The following PAGE2B variants were observed in gnomAD, a reference collection of about 807,000 sequenced individuals.
PAGE2B encodes putative G antigen family E member 3.
PAGE2B carries 5 observed loss-of-function variants against 7.6 expected under a neutral mutation model. That is an observed-to-expected ratio of 0.66 (90% CI 0.34 to 1.38). The LOEUF is 1.38. Ranked by LOEUF, PAGE2B falls within the 40% of genes most tolerant of loss-of-function variation. The pLI is 0.04. For missense variants in PAGE2B, 70 were observed against 78.4 expected (o/e 0.89, Z 0.41); for synonymous variants, 29 against 26.7 (o/e 1.09, Z -0.27).
At chrX:55,029,831 C>T in the PAGE2B span, among the ~76,000 whole-genome samples, 2,389 of 111,494 alleles carry the variant, frequency 0.021, 74 homozygotes, top group African/African-American at 0.073. Flanking sequence ...TTTTTCCCTA[C>T]GACTTTAAAA....
chrX:55,050,410 T>C, the PAGE2B span, among the ~76,000 whole-genome samples: 1 of 109,188 alleles, frequency 9.2e-6, no homozygotes, highest in Non-Finnish European at 1.9e-5. Context: ...CAGTGGGGTG[T>C]TAAAGTCTCC....
the PAGE2B span, among the ~76,000 whole-genome samples, chrX:55,043,423 C>CTTCACAA: frequency 9.0e-6 from 1 of 110,555 alleles, no homozygotes; most frequent in African/African-American, 3.3e-5. Flanking sequence ...GGGAGAAAAT[C>CTTCACAA]TTCACAATCT....
chrX:55,077,768 C>T (rs1459916996), intron 4 of PAGE2B, among the ~76,000 whole-genome samples: 1 of 112,610 alleles, frequency 8.9e-6, no homozygotes, highest in Non-Finnish European at 1.9e-5. Context: ...GAGGCCAGGA[C>T]TTCCAGAGAT....
chrX:55,036,079 A>T, the PAGE2B span, among the ~76,000 whole-genome samples: 1 of 111,864 alleles, frequency 8.9e-6, no homozygotes, highest in East Asian at 2.8e-4. Context: ...ATGGGAGTTC[A>T]CTCATGATTT....
chrX:55,053,559 C>T, the PAGE2B span, among the ~76,000 whole-genome samples: 1 of 111,764 alleles, frequency 8.9e-6, no homozygotes, highest in Admixed American at 9.5e-5. Flanking sequence ...AAATGTAGCA[C>T]ATATACAGAG....
intron 3 of PAGE2B, among the ~76,000 whole-genome samples, chrX:55,077,058 C>T (rs1002172445): frequency 1.8e-5 from 2 of 111,537 alleles, no homozygotes. Flanking sequence ...ATTGATGCTT[C>T]CTCATACCAC....
the PAGE2B span, among the ~76,000 whole-genome samples, chrX:55,040,371 A>G: frequency 9.2e-6 from 1 of 108,814 alleles, no homozygotes; most frequent in East Asian, 2.9e-4. Context: ...ATCCCCACCT[A>G]TGAGTGAGAA....
At chrX:55,043,740 G>A in the PAGE2B span, among the ~76,000 whole-genome samples, 1 of 110,600 alleles carries the variant, frequency 9.0e-6, no homozygotes, top group Admixed American at 9.7e-5. Context: ...GGCTGAGGTG[G>A]GCGGATCACC....
At chrX:55,047,102 C>T in the PAGE2B span, among the ~76,000 whole-genome samples, 6 of 109,265 alleles carry the variant, frequency 5.5e-5, no homozygotes, top group South Asian at 8.3e-4. Context: ...CAACAGGCCC[C>T]GGTGTGTGAT....
chrX:55,043,642 A>G, the PAGE2B span, among the ~76,000 whole-genome samples: 2 of 111,463 alleles, frequency 1.8e-5, no homozygotes, highest in Middle Eastern at 4.6e-3. Flanking sequence ...ATACCACCTT[A>G]CTCCTGCAGA....
the PAGE2B span, among the ~76,000 whole-genome samples, chrX:55,042,025 A>C: frequency 9.0e-6 from 1 of 111,721 alleles, no homozygotes; most frequent in Admixed American, 9.5e-5. Flanking sequence ...CGCCACTTCT[A>C]TTCAACATAG....
At chrX:55,046,577 A>G in the PAGE2B span, among the ~76,000 whole-genome samples, 1 of 112,501 alleles carries the variant, frequency 8.9e-6, no homozygotes, top group South Asian at 3.7e-4. Context: ...GGAAGAAAGC[A>G]AGCATAGGTG....
chrX:55,073,150 C>A (rs1936466381), upstream of PAGE2B, among the ~76,000 whole-genome samples: 1 of 111,834 alleles, frequency 8.9e-6, no homozygotes, highest in Non-Finnish European at 1.9e-5. Context: ...AGCTCAGTGT[C>A]TGCCCGAACA....
the PAGE2B span, among the ~76,000 whole-genome samples, chrX:55,046,628 A>G: frequency 8.9e-6 from 1 of 112,442 alleles, no homozygotes; most frequent in Non-Finnish European, 1.9e-5. Context: ...CAGGTAAGAC[A>G]CAGGACATAA....
At position 55,076,823 on chromosome X, in the gene PAGE2B, C is replaced by A. The variant is rs142862191; in HGVS notation, c.193+146C>A. 3.3e-3 allele frequency: 1,992 copies of A among 594,881 alleles called. 43 individuals are homozygous for A. The Admixed American group carries it at 0.071, about 21-fold the overall frequency. 49.0% of individuals were successfully genotyped at this position (594,881 alleles called of 1,213,427 possible). A position where few individuals can be genotyped will look rare whatever the true frequency, so the allele number is the denominator to read the frequency against. On this transcript the variant is annotated intron_variant, in intron 3 of 4. Transcript: ENST00000374971. ...ACTGCTGCTGTGTGGAGGGGTGGGA[C>A]AAGGACGCATAAAAAGCCACTAAGC...
At chrX:55,034,814 GTA>G in the PAGE2B span, among the ~76,000 whole-genome samples, 1 of 107,203 alleles carries the variant, frequency 9.3e-6, no homozygotes. Context: ...ATATATACAT[GTA>G]TATATATATG....
At chrX:55,033,009 T>C in the PAGE2B span, among the ~76,000 whole-genome samples, 2 of 111,231 alleles carry the variant, frequency 1.8e-5, no homozygotes, top group Non-Finnish European at 3.8e-5. Flanking sequence ...TCTTGTTCCC[T>C]CTTCTGGGCC....
upstream of PAGE2B, among the ~76,000 whole-genome samples, chrX:55,070,329 C>T (rs1936437406): frequency 8.9e-6 from 1 of 111,833 alleles, no homozygotes; most frequent in Admixed American, 9.5e-5. Context: ...GTTCAGTTTC[C>T]ATGTAGTTGT....
rs760727626 is a variant in PAGE2B, at chrX:55,076,146, T to C, written c.84+21T>C. On this transcript the variant is annotated intron_variant, in intron 2 of 4. Transcript: ENST00000374971. ...TGATTGTGAGTCCTTTAACATTTGA[T>C]GTTTCCTATTAACACAATTTATTTT... 4.2e-6 allele frequency: 5 copies of C among 1,189,161 alleles called. No homozygotes were observed. In the South Asian group the frequency reaches 9.0e-5, roughly 21 times the overall value.
Sources: allele counts gnomAD v4.1 joint callset (sites outside exome capture counted in the v4.1 genomes callset), GRCh38; gene constraint gnomAD v4.1.1; transcripts MANE v1.5; gene names NCBI Gene and HGNC (gene_info 2026-07-23, HGNC 2026-07-21).